The following PRKN variants were observed in gnomAD, a reference collection of about 807,000 sequenced individuals.
PRKN encodes parkin RBR E3 ubiquitin protein ligase, also known as E3 ubiquitin-protein ligase parkin.
PRKN carries 56 observed loss-of-function variants against 59.5 expected under a neutral mutation model. That is an observed-to-expected ratio of 0.94 (90% CI 0.76 to 1.18). PRKN has a LOEUF of 1.18. Among genes scored for constraint, PRKN ranks in the 50% most tolerant of loss-of-function variants. The pLI, the probability that PRKN is intolerant of heterozygous loss-of-function variation, is 0.00. For synonymous variants in PRKN, 250 were observed against 222.1 expected (o/e 1.13, Z -1.12); for missense variants, 657 against 596.4 (o/e 1.10, Z -1.06).
At position 161,362,513 on chromosome 6, in the gene PRKN, A is replaced by G. The variant is rs1256757606; in HGVS notation, c.1168-2308T>C. ...CGTTCTCAGTGGAGGAAGCCAGGGCAAAAGCCCGCCCTGAAGAGATAATTG... is the reference window on the plus strand; with the variant it reads ...CGTTCTCAGTGGAGGAAGCCAGGGCGAAAGCCCGCCCTGAAGAGATAATTG... On this transcript the variant is annotated intron_variant, in intron 10 of 11. Transcript: ENST00000366898. The surrounding 1 kb of genome is among the most constrained non-coding windows in gnomAD (Gnocchi z 5.2). Among the ~76,000 whole-genome samples the G allele has an allele frequency of 1.3e-5, 2 of 152,186 alleles. No homozygotes were observed. The highest frequency in any genetic ancestry group is 2.9e-5 in the Non-Finnish European group (2 of 68,034).
chr6:161,981,381 T>G (rs905305429), intron 5 of PRKN, among the ~76,000 whole-genome samples: 2 of 152,166 alleles, frequency 1.3e-5, no homozygotes, highest in Admixed American at 1.3e-4. Context: ...TTAATTTTCT[T>G]TAAGTTAAAA....
intron 3 of PRKN, among the ~76,000 whole-genome samples, chr6:162,259,989 A>G (rs1779817191): frequency 6.6e-6 from 1 of 152,192 alleles, no homozygotes; most frequent in Admixed American, 6.5e-5. Flanking sequence ...TTTAACACAG[A>G]GTTAAATCTG....
At chr6:161,514,296 C>T (rs921450122) in intron 9 of PRKN, among the ~76,000 whole-genome samples, 11 of 152,048 alleles carry the variant, frequency 7.2e-5, no homozygotes, top group Non-Finnish European at 8.8e-5. Flanking sequence ...GCAGGTTGCA[C>T]AGACAGGAGT....
intron 7 of PRKN, among the ~76,000 whole-genome samples, chr6:161,629,909 C>T (rs907586032): frequency 5.0e-4 from 76 of 152,280 alleles, no homozygotes; most frequent in African/African-American, 1.7e-3. Flanking sequence ...ACTCTGCTTC[C>T]ACTCTGTGAC....
At chr6:162,022,496 ATGTCCTT>A (rs1783245151) in intron 5 of PRKN, among the ~76,000 whole-genome samples, 1 of 152,024 alleles carries the variant, frequency 6.6e-6, no homozygotes, top group African/African-American at 2.4e-5. Flanking sequence ...GTGTCTGTTC[ATGTCCTT>A]TGTCCCCTTT....
chr6:161,716,679 T>C (rs1045246835), intron 7 of PRKN, among the ~76,000 whole-genome samples: 5 of 152,164 alleles, frequency 3.3e-5, no homozygotes, highest in Admixed American at 3.3e-4. Flanking sequence ...AGACAAGGCT[T>C]GAGAACAATT....
At chr6:161,710,103 G>T (rs1786675149) in intron 7 of PRKN, among the ~76,000 whole-genome samples, 1 of 130,692 alleles carries the variant, frequency 7.7e-6, no homozygotes, top group Admixed American at 9.0e-5. Flanking sequence ...GACAAGCATT[G>T]GAATAATTCC....
At chr6:161,882,478 C>G (rs1794975318) in intron 6 of PRKN, among the ~76,000 whole-genome samples, 1 of 152,122 alleles carries the variant, frequency 6.6e-6, no homozygotes, top group Non-Finnish European at 1.5e-5. Context: ...AGCAGCACTC[C>G]CACAATGAGC....
chr6:161,947,877 C>T (rs1779839726), intron 6 of PRKN, among the ~76,000 whole-genome samples: 3 of 152,138 alleles, frequency 2.0e-5, no homozygotes, highest in African/African-American at 4.8e-5. Context: ...TGAAACCAAA[C>T]CAGAGGCACC....
At chr6:162,559,150 C>CAAAAAAA (rs67508754) in intron 1 of PRKN, among the ~76,000 whole-genome samples, 3 of 102,196 alleles carry the variant, frequency 2.9e-5, no homozygotes, top group Non-Finnish European at 3.8e-5. Context: ...GATTCCGTCT[C>CAAAAAAA]AAAAAAAAAA....
At chr6:161,645,908 G>T (rs540954769) in intron 7 of PRKN, among the ~76,000 whole-genome samples, 1 of 150,246 alleles carries the variant, frequency 6.7e-6, no homozygotes, top group African/African-American at 2.4e-5. Flanking sequence ...AGGAGGCGGC[G>T]TATCAGTGAC....
At chr6:161,765,395 G>A (rs1010712970) in intron 7 of PRKN, among the ~76,000 whole-genome samples, 4 of 152,100 alleles carry the variant, frequency 2.6e-5, no homozygotes, top group Non-Finnish European at 5.9e-5. Context: ...CAGCTTTACA[G>A]CTTGATTTAT....
At chr6:162,530,040 G>T (rs548770516) in intron 1 of PRKN, among the ~76,000 whole-genome samples, 145 of 151,806 alleles carry the variant, frequency 9.6e-4, no homozygotes, top group Non-Finnish European at 1.2e-3. Context: ...TGAGGTGGGA[G>T]AATTGCTTGA....
chr6:162,347,109 A>T (rs1385336436), intron 2 of PRKN, among the ~76,000 whole-genome samples: 2 of 149,618 alleles, frequency 1.3e-5, no homozygotes, highest in Non-Finnish European at 3.0e-5. Flanking sequence ...TATTATATTT[A>T]TTTTATTTTT....
rs1209493008 is a variant in PRKN at position 161,400,432 on chromosome 6, C to T, written c.1084-13555G>A. 1.3e-5 allele frequency among the ~76,000 whole-genome samples: 2 copies of T among 151,918 alleles called. No homozygotes were observed. Among genetic ancestry groups the T allele is most frequent in the Non-Finnish European group, 2.9e-5 (2 of 67,978 alleles). ...AAGCAATTCTCCTGCCTCAGCCTCCCAAGTAGCTGGAATTACAGGTGTGTG... is the reference window on the plus strand; with the variant it reads ...AAGCAATTCTCCTGCCTCAGCCTCCTAAGTAGCTGGAATTACAGGTGTGTG... On this transcript the variant is annotated intron_variant, in intron 9 of 11. Coordinates refer to ENST00000366898, the MANE Select transcript of PRKN (RefSeq NM_004562.3). The surrounding 1 kb of genome is among the most constrained non-coding windows in gnomAD (Gnocchi z 4.2).
intron 1 of PRKN, among the ~76,000 whole-genome samples, chr6:162,548,517 C>T (rs920436329): frequency 9.2e-5 from 14 of 151,960 alleles, no homozygotes; most frequent in African/African-American, 3.4e-4. Context: ...CACATAATCC[C>T]ATTTATCTCT....
chr6:162,390,090 G>A (rs1334598739), intron 2 of PRKN, among the ~76,000 whole-genome samples: 2 of 152,140 alleles, frequency 1.3e-5, no homozygotes, highest in East Asian at 3.9e-4. Flanking sequence ...CAAGAGCTGG[G>A]TAATAGCGCC....
At chr6:162,724,708 G>T (rs765713401) in intron 1 of PRKN, among the ~76,000 whole-genome samples, 3 of 152,198 alleles carry the variant, frequency 2.0e-5, no homozygotes, top group Non-Finnish European at 4.4e-5. Context: ...ATATGCTCTG[G>T]AGACTCTCTC....
chr6:162,717,687 C>T (rs1243920654), intron 1 of PRKN, among the ~76,000 whole-genome samples: 1 of 151,948 alleles, frequency 6.6e-6, no homozygotes, highest in South Asian at 2.1e-4. Context: ...AGGAACTACA[C>T]AAAAACTAAT....
Sources: gnomAD v4.1 joint callset for allele counts (sites outside exome capture counted in the v4.1 genomes callset) on GRCh38, gnomAD v4.1.1 for gene constraint, Gnocchi (gnomAD v3.1) non-coding constraint, MANE v1.5 for transcripts, NCBI Gene and HGNC (gene_info 2026-07-23, HGNC 2026-07-21) for gene names.